NDUFA12: variants seen among roughly 807,000 people sequenced by gnomAD.
The protein encoded by NDUFA12 is NADH:ubiquinone oxidoreductase subunit A12.
In NDUFA12, 17 loss-of-function variants were observed where a neutral mutation model predicts 20.3. The observed-to-expected ratio is 0.84, with a 90% confidence interval of 0.57 to 1.26. NDUFA12 has a LOEUF of 1.26. NDUFA12 is among the 50% of genes most tolerant of loss of function. NDUFA12 has a pLI of 0.00. For missense variants in NDUFA12, 191 were observed against 183.7 expected (o/e 1.04, Z -0.23); for synonymous variants, 72 against 63.6 (o/e 1.13, Z -0.63).
chr12:94,993,733 G>A lies in NDUFA12; in HGVS notation c.257+437C>T, dbSNP rs374041238. ...ATGGATCACCTGAGGTCAGGAGTTCGAGACCAGCCTGGCCAACACAGTGAA... is the reference window on the plus strand; with the variant it reads ...ATGGATCACCTGAGGTCAGGAGTTCAAGACCAGCCTGGCCAACACAGTGAA... On this transcript the variant is annotated intron_variant, in intron 3 of 3. Transcript: ENST00000327772. Among the ~76,000 whole-genome samples the A allele has an allele frequency of 3.4e-3, 487 of 144,914 alleles. 6 individuals carry two copies. Among genetic ancestry groups the A allele is most frequent in the African/African-American group, 0.012 (470 of 39,094 alleles).
At chr12:94,993,924 ACT>A (rs1874733294) in intron 3 of NDUFA12, among the ~76,000 whole-genome samples, 2 of 152,224 alleles carry the variant, frequency 1.3e-5, no homozygotes, top group African/African-American at 4.8e-5. Flanking sequence ...ACAGAATGAG[ACT>A]CTGTCTCAAA....
In NDUFA12 at chr12:94,984,736, A is replaced by AAAAAAAAAAAAAAAAAAAC. The variant is rs36013656; in HGVS notation, c.257+9433_257+9434insGTTTTTTTTTTTTTTTTTT. 9.4e-5 allele frequency among the ~76,000 whole-genome samples: 7 copies of AAAAAAAAAAAAAAAAAAAC among 74,162 alleles called. 2 individuals carry two copies. The highest frequency in any genetic ancestry group is 1.4e-4 in the Non-Finnish European group (6 of 41,762). The allele number at this position is 74,162 out of a possible 152,430, so 48.7% of individuals were successfully genotyped here. ...AGCCAAAAAAAAAAAACAACAAAAA[A>AAAAAAAAAAAAAAAAAAAC]CCCATATATATATAATATATATATA... On this transcript the variant is annotated intron_variant, in intron 3 of 3. Coordinates refer to ENST00000327772, the MANE Select transcript of NDUFA12 (RefSeq NM_018838.5).
rs1332295200 is a variant in NDUFA12 at position 94,981,134 on chromosome 12, T to C, written c.258-9514A>G. Among the ~76,000 whole-genome samples, 17 of 152,178 alleles carry C rather than the reference T, an allele frequency of 1.1e-4. No homozygotes were observed. In the East Asian group the frequency reaches 1.2e-3, roughly 10 times the overall value. ...AAAAAAAAAGAAAGAAAAAGTAGTA[T>C]AGAATAGTACTTGAGCTGGGCACGG... On this transcript the variant is annotated intron_variant, in intron 3 of 3. Coordinates refer to ENST00000327772, the MANE Select transcript of NDUFA12 (RefSeq NM_018838.5).
At chr12:94,994,284 A>G in intron 2 of NDUFA12, 27 bp from the exon 3 acceptor site, 1 of 1,598,426 alleles carries the variant, frequency 6.3e-7, no homozygotes. Context: ...ACATTTAAAA[A>G]GAAAAACTTT....
chr12:94,989,759 A>C (rs189008697), intron 3 of NDUFA12, among the ~76,000 whole-genome samples: 1 of 152,338 alleles, frequency 6.6e-6, no homozygotes, highest in East Asian at 1.9e-4. Flanking sequence ...GCTCCACTGA[A>C]TAGAACTTTT....
At chr12:94,980,014 C>T (rs1874185332) in intron 3 of NDUFA12, among the ~76,000 whole-genome samples, 2 of 152,156 alleles carry the variant, frequency 1.3e-5, no homozygotes, top group South Asian at 4.1e-4. Flanking sequence ...ATCACACGGA[C>T]ATTTTTCTGT....
At chr12:94,984,723 AAAAC>A (rs1172303450) in intron 3 of NDUFA12, among the ~76,000 whole-genome samples, 2 of 119,506 alleles carry the variant, frequency 1.7e-5, no homozygotes, top group Admixed American at 9.6e-5. Flanking sequence ...CCAAAAAAAA[AAAAC>A]AACAAAAAAC....
At chr12:94,973,383 T>G (rs1265113476) in intron 3 of NDUFA12, among the ~76,000 whole-genome samples, 1 of 152,184 alleles carries the variant, frequency 6.6e-6, no homozygotes, top group Non-Finnish European at 1.5e-5. Context: ...ACCATTCATA[T>G]GAGCACACGA....
At chr12:94,986,298 G>A (rs1874440180) in intron 3 of NDUFA12, among the ~76,000 whole-genome samples, 1 of 151,904 alleles carries the variant, frequency 6.6e-6, no homozygotes, top group South Asian at 2.1e-4. Context: ...CGGGCAGGAG[G>A]AGTGGAGAGT....
chr12:94,994,352 A>C (rs1874750079), intron 2 of NDUFA12, 95 bp from the exon 3 acceptor site: 2 of 908,858 alleles, frequency 2.2e-6, no homozygotes, highest in Non-Finnish European at 3.4e-6. Flanking sequence ...TTAAGAAAAG[A>C]CTTTTTGTGA....
intron 3 of NDUFA12, among the ~76,000 whole-genome samples, chr12:94,982,122 C>A (rs752794602): frequency 1.3e-5 from 2 of 152,174 alleles, no homozygotes; most frequent in African/African-American, 2.4e-5. Flanking sequence ...CTATCATAGG[C>A]CACACTTGGC....
intron 3 of NDUFA12, among the ~76,000 whole-genome samples, chr12:94,991,458 T>G (rs1874642798): frequency 6.6e-6 from 1 of 151,206 alleles, no homozygotes. Context: ...CCCGGTGCAG[T>G]GGCTCATGCC....
intron 3 of NDUFA12, among the ~76,000 whole-genome samples, chr12:94,975,846 C>T (rs1262937697): frequency 6.6e-6 from 1 of 151,976 alleles, no homozygotes; most frequent in Non-Finnish European, 1.5e-5. Context: ...GCCATGAGTT[C>T]GAGACCAGCC....
At chr12:94,997,167 C>T in intron 2 of NDUFA12, 1 of 221,628 alleles carries the variant, frequency 4.5e-6, no homozygotes, top group Non-Finnish European at 9.0e-6. Flanking sequence ...ATAGTGAGAC[C>T]TCATCACACT....
Position 94,977,336 on chromosome 12 carries a change from G to A in NDUFA12, c.258-5716C>T, listed in dbSNP as rs539494665. On this transcript the variant is annotated intron_variant, in intron 3 of 3. Transcript: ENST00000327772. ...AAAACAAAAACATTAGCTGGGTGTGGTGGCATGCACCTATACTCCCAGCTA... is the reference window on the plus strand; with the variant it reads ...AAAACAAAAACATTAGCTGGGTGTGATGGCATGCACCTATACTCCCAGCTA... Among the ~76,000 whole-genome samples, 115 of 152,182 alleles carry A rather than the reference G, an allele frequency of 7.6e-4. 1 individual carries two copies. Among genetic ancestry groups the A allele is most frequent in the African/African-American group, 2.7e-3 (112 of 41,516 alleles).
At chr12:94,988,129 C>T (rs1004804059) in intron 3 of NDUFA12, among the ~76,000 whole-genome samples, 1 of 152,156 alleles carries the variant, frequency 6.6e-6, no homozygotes, top group Admixed American at 6.5e-5. Flanking sequence ...GTCTTCATCC[C>T]TTATGAGGGC....
At chr12:95,002,134 G>A (rs1480395864) in intron 2 of NDUFA12, among the ~76,000 whole-genome samples, 1 of 151,568 alleles carries the variant, frequency 6.6e-6, no homozygotes, top group Non-Finnish European at 1.5e-5. Flanking sequence ...CCCACATTGG[G>A]ATTTATCAGC....
At position 95,003,697 on chromosome 12, in the gene NDUFA12, C is replaced by T; in HGVS notation, c.-17G>A. The stretch of plus-strand genomic sequence containing the variant: ...TAACTCCATCTTGCCTCGCTGGCCC[C>T]GCCTCCCGGGTGCGCCGAGCAAAAC... On this transcript the variant is annotated 5_prime_UTR_variant, in exon 1 of 4. Transcript: ENST00000327772. 6.2e-7 allele frequency: 1 copy of T among 1,613,968 alleles called. No homozygotes were observed. The highest frequency in any genetic ancestry group is 1.7e-5 in the Admixed American group (1 of 60,004).
chr12:94,993,869 G>A (rs1363014223), intron 3 of NDUFA12, among the ~76,000 whole-genome samples: 2 of 152,128 alleles, frequency 1.3e-5, no homozygotes, highest in Admixed American at 6.6e-5. Flanking sequence ...AGGAGGTGGA[G>A]GTTGCAGTGA....
Sources: gnomAD v4.1 joint callset for allele counts (sites outside exome capture counted in the v4.1 genomes callset) on GRCh38, gnomAD v4.1.1 for gene constraint, MANE v1.5 for transcripts, NCBI Gene and HGNC (gene_info 2026-07-23, HGNC 2026-07-21) for gene names.